The following PAN3 variants were observed in gnomAD, a reference collection of about 807,000 sequenced individuals.
PAN3 encodes poly(A) specific ribonuclease subunit PAN3, also known as PAN2-PAN3 deadenylation complex subunit PAN3.
PAN3 carries 19 observed loss-of-function variants against 96.2 expected under a neutral mutation model. The ratio of observed to expected loss-of-function variants is 0.20; its 90% CI spans 0.14 to 0.29. PAN3 has a LOEUF of 0.29. Ranked by LOEUF, PAN3 falls within the 10% of genes least tolerant of loss-of-function variation. PAN3 has a pLI of 1.00. For missense variants in PAN3, 882 were observed against 1,108.1 expected, an observed-to-expected ratio of 0.80 and a Z score of 2.90; for synonymous variants, 433 against 406.6, an observed-to-expected ratio of 1.06 and a Z score of -0.78.
chr13:28,170,201 T>G (rs1874125165), intron 1 of PAN3, among the ~76,000 whole-genome samples: 1 of 152,182 alleles, frequency 6.6e-6, no homozygotes, highest in South Asian at 2.1e-4. Flanking sequence ...AAGTTGTGTA[T>G]CTGAAAGGAA....
intron 1 of PAN3, among the ~76,000 whole-genome samples, chr13:28,143,029 CA>C (rs2137917119): frequency 6.6e-6 from 1 of 152,292 alleles, no homozygotes; most frequent in Non-Finnish European, 1.5e-5. Flanking sequence ...AACTGAAGCA[CA>C]AAGGCTTTTT....
intron 6 of PAN3, among the ~76,000 whole-genome samples, chr13:28,231,153 C>G (rs1236919856): frequency 2.0e-5 from 3 of 152,134 alleles, no homozygotes; most frequent in African/African-American, 2.4e-5. Flanking sequence ...AACCCTGATG[C>G]TGGTTTTTTA....
chr13:28,280,992 T>C (rs1198229184), intron 16 of PAN3, among the ~76,000 whole-genome samples: 1 of 152,232 alleles, frequency 6.6e-6, no homozygotes. Context: ...GCACTGAATG[T>C]TTGGTATTTT....
At chr13:28,257,035 T>C (rs1437258608) in intron 7 of PAN3, among the ~76,000 whole-genome samples, 15 of 152,154 alleles carry the variant, frequency 9.9e-5, no homozygotes, top group Admixed American at 2.6e-4. Flanking sequence ...GCAGTATGGC[T>C]CTTATGCTCA....
At chr13:28,164,679 A>T (rs1220737868) in intron 1 of PAN3, among the ~76,000 whole-genome samples, 5 of 152,176 alleles carry the variant, frequency 3.3e-5, no homozygotes, top group Non-Finnish European at 7.4e-5. Flanking sequence ...AAATGGGTTT[A>T]CTTGTTTTTA....
chr13:28,155,738 C>T (rs960974169), intron 1 of PAN3, among the ~76,000 whole-genome samples: 5 of 151,936 alleles, frequency 3.3e-5, no homozygotes, highest in Admixed American at 3.3e-4. Context: ...CACACATATA[C>T]ATAAAATGTA....
chr13:28,198,292 A>G (rs1311247741), intron 5 of PAN3, among the ~76,000 whole-genome samples: 1 of 151,686 alleles, frequency 6.6e-6, no homozygotes, highest in Non-Finnish European at 1.5e-5. Context: ...TCTGTCTCAA[A>G]AAAAAAAAAA....
intron 1 of PAN3, among the ~76,000 whole-genome samples, chr13:28,149,941 T>C (rs1391848008): frequency 6.6e-6 from 1 of 152,196 alleles, no homozygotes; most frequent in African/African-American, 2.4e-5. Context: ...TATATAGATA[T>C]CTTACGCTGC....
At chr13:28,226,885 C>G (rs1298027499) in intron 6 of PAN3, among the ~76,000 whole-genome samples, 1 of 152,202 alleles carries the variant, frequency 6.6e-6, no homozygotes, top group Non-Finnish European at 1.5e-5. Flanking sequence ...TCAGCAGATT[C>G]ATTCAAATCT....
At position 28,267,054 on chromosome 13, in the gene PAN3, C is replaced by T. The variant is rs759574068; in HGVS notation, c.1574-41C>T. The T allele has an allele frequency of 9.3e-6, 14 of 1,507,520 alleles. No homozygotes were observed. In the East Asian group the frequency reaches 1.6e-4, roughly 17 times the overall value. 93.4% of individuals were successfully genotyped at this position (1,507,520 alleles called of 1,614,324 possible). On this transcript the variant is annotated intron_variant, in intron 10 of 18. Coordinates refer to ENST00000380958, the MANE Select transcript of PAN3 (RefSeq NM_175854.8). ...CATTTCTGATGGAATATGAAGGAGACGTCAATTAGAGTTTACTGGAGTAGA... is the reference window on the plus strand; with the variant it reads ...CATTTCTGATGGAATATGAAGGAGATGTCAATTAGAGTTTACTGGAGTAGA...
At chr13:28,187,110 C>T (rs999979055) in intron 4 of PAN3, among the ~76,000 whole-genome samples, 2 of 151,580 alleles carry the variant, frequency 1.3e-5, no homozygotes, top group Admixed American at 1.3e-4. Context: ...GTGGATAACT[C>T]GAGTCCAGGA....
chr13:28,288,198 AG>A, intron 18 of PAN3, 76 bp downstream of exon 18: 1 of 1,300,168 alleles, frequency 7.7e-7, no homozygotes, highest in Non-Finnish European at 1.0e-6. Flanking sequence ...TACAAATACT[AG>A]GAAACTTAAG....
chr13:28,225,622 A>G (rs2138409958), intron 6 of PAN3, among the ~76,000 whole-genome samples: 1 of 152,350 alleles, frequency 6.6e-6, no homozygotes, highest in African/African-American at 2.4e-5. Context: ...TTCATTAACT[A>G]ACCAAGGCAG....
intron 17 of PAN3, among the ~76,000 whole-genome samples, chr13:28,282,585 ACACGTGCACG>A (rs758700417): frequency 5.3e-5 from 8 of 152,176 alleles, no homozygotes; most frequent in East Asian, 1.9e-4. Flanking sequence ...TCTTCCCTAC[ACACGTGCACG>A]CACGTGCACA....
chr13:28,215,823 A>C, intron 5 of PAN3: 2 of 1,383,548 alleles, frequency 1.4e-6, no homozygotes, highest in Non-Finnish European at 2.0e-6. Flanking sequence ...GGGTGTCATC[A>C]AAGCAGTGGA....
chr13:28,141,007 T>TTATTTTTTA (rs758738862), intron 1 of PAN3, among the ~76,000 whole-genome samples: 10 of 135,140 alleles, frequency 7.4e-5, no homozygotes, highest in African/African-American at 3.0e-4. Context: ...GAGACACTTT[T>TTATTTTTTA]TTTTTTTTTT....
chr13:28,214,671 C>G (rs1566193992), intron 5 of PAN3: 3 of 447,450 alleles, frequency 6.7e-6, no homozygotes, highest in Non-Finnish European at 1.2e-5. Flanking sequence ...GGAAAGGGCT[C>G]CTTCAAGTAT....
chr13:28,221,434 T>C (rs1195747763), intron 6 of PAN3, among the ~76,000 whole-genome samples: 2 of 152,144 alleles, frequency 1.3e-5, no homozygotes, highest in East Asian at 3.9e-4. Flanking sequence ...GAACTGGTAC[T>C]GTCTCCAGGG....
chr13:28,242,697 C>T (rs1485671778), intron 6 of PAN3, among the ~76,000 whole-genome samples: 1 of 152,088 alleles, frequency 6.6e-6, no homozygotes, highest in African/African-American at 2.4e-5. Context: ...TGTGTGGGTA[C>T]ATGAAGCATC....
Sources: allele counts gnomAD v4.1 joint callset (sites outside exome capture counted in the v4.1 genomes callset), GRCh38; gene constraint gnomAD v4.1.1; transcripts MANE v1.5; gene names NCBI Gene and HGNC (gene_info 2026-07-23, HGNC 2026-07-21).